RIMS1: variants seen among roughly 807,000 people sequenced by gnomAD.
RIMS1 encodes regulating synaptic membrane exocytosis protein 1.
A neutral mutation model predicts 214.1 loss-of-function variants in RIMS1; 83 were observed. That is an observed-to-expected ratio of 0.39 (90% CI 0.32 to 0.47). RIMS1 has a LOEUF of 0.47. Ranked by LOEUF, RIMS1 falls within the 20% of genes least tolerant of loss-of-function variation. RIMS1 has a pLI of 0.99. For synonymous variants in RIMS1, 793 were observed against 786.8 expected, an observed-to-expected ratio of 1.01 and a Z score of -0.13; for missense variants, 2,050 against 2,161.8, an observed-to-expected ratio of 0.95 and a Z score of 1.03.
chr6:72,374,194 T>C (rs1361793193), intron 29 of RIMS1, among the ~76,000 whole-genome samples: 1 of 152,230 alleles, frequency 6.6e-6, no homozygotes, highest in Non-Finnish European at 1.5e-5. Context: ...ATTACAGGCG[T>C]GAGCCACTGC....
chr6:72,153,750 T>C (rs1473859759), intron 4 of RIMS1, among the ~76,000 whole-genome samples: 2 of 152,172 alleles, frequency 1.3e-5, no homozygotes, highest in African/African-American at 2.4e-5. Context: ...ACTAATTTGA[T>C]TGGGTCTGCC....
chr6:71,985,387 C>T (rs1395182451), intron 2 of RIMS1, among the ~76,000 whole-genome samples: 1 of 151,762 alleles, frequency 6.6e-6, no homozygotes, highest in East Asian at 1.9e-4. Flanking sequence ...GACACCCTGT[C>T]TAAAATAAAA....
intron 29 of RIMS1, among the ~76,000 whole-genome samples, chr6:72,355,144 TTAA>T (rs1463292636): frequency 3.3e-5 from 5 of 152,168 alleles, no homozygotes; most frequent in African/African-American, 9.7e-5. Flanking sequence ...GTTGTGTCAC[TTAA>T]TAATTTTTGA....
chr6:72,314,185 T>A (rs2095647884), intron 28 of RIMS1, among the ~76,000 whole-genome samples: 1 of 152,212 alleles, frequency 6.6e-6, no homozygotes, highest in African/African-American at 2.4e-5. Flanking sequence ...TTTGTATTCT[T>A]AAAAGACAAA....
intron 6 of RIMS1, among the ~76,000 whole-genome samples, chr6:72,208,490 G>A (rs1703660982): frequency 6.6e-6 from 1 of 152,182 alleles, no homozygotes; most frequent in Admixed American, 6.5e-5. Context: ...TGTTGGCTTT[G>A]TAAATTGGAA....
intron 19 of RIMS1, chr6:72,262,089 A>T: frequency 1.0e-6 from 1 of 984,950 alleles, no homozygotes; most frequent in Non-Finnish European, 1.2e-6. Flanking sequence ...AAATCCTTAT[A>T]TTTTAAGCTA....
intron 4 of RIMS1, among the ~76,000 whole-genome samples, chr6:72,100,820 T>A (rs2033376189): frequency 6.6e-6 from 1 of 152,002 alleles, no homozygotes; most frequent in Non-Finnish European, 1.5e-5. Context: ...GCTTATATGA[T>A]ACACTGCAGT....
At chr6:71,979,090 T>C (rs1797846626) in intron 2 of RIMS1, among the ~76,000 whole-genome samples, 1 of 152,112 alleles carries the variant, frequency 6.6e-6, no homozygotes, top group South Asian at 2.1e-4. Context: ...ATTTTAATGA[T>C]AATATTGTGT....
chr6:72,084,206 T>C (rs1369004911), intron 2 of RIMS1, among the ~76,000 whole-genome samples: 3 of 152,214 alleles, frequency 2.0e-5, no homozygotes, highest in African/African-American at 7.2e-5. Context: ...TGGAAAAGTT[T>C]GCATGGAGTA....
chr6:71,933,041 A>T (rs748932396), intron 1 of RIMS1, among the ~76,000 whole-genome samples: 2 of 152,176 alleles, frequency 1.3e-5, no homozygotes, highest in African/African-American at 2.4e-5. Flanking sequence ...AGGAATTTGC[A>T]TTCTAGTGAT....
chr6:71,987,750 G>A (rs1205449530), intron 2 of RIMS1, among the ~76,000 whole-genome samples: 1 of 152,212 alleles, frequency 6.6e-6, no homozygotes, highest in Non-Finnish European at 1.5e-5. Context: ...GGACTTATTA[G>A]TCAAGGGTTT....
At chr6:72,228,013 A>G (rs2060761071) in intron 6 of RIMS1, among the ~76,000 whole-genome samples, 1 of 151,898 alleles carries the variant, frequency 6.6e-6, no homozygotes. Flanking sequence ...GACATAGAAA[A>G]AACTGTGCAT....
chr6:72,276,934 T>A (rs918763828), intron 23 of RIMS1, among the ~76,000 whole-genome samples: 1 of 152,198 alleles, frequency 6.6e-6, no homozygotes, highest in African/African-American at 2.4e-5. Flanking sequence ...CATAAGAATT[T>A]CAGCGTTAGG....
chr6:72,150,828 G>C (rs2043453359), intron 4 of RIMS1, among the ~76,000 whole-genome samples: 1 of 152,076 alleles, frequency 6.6e-6, no homozygotes, highest in South Asian at 2.1e-4. Flanking sequence ...GAGGACATCT[G>C]CTCTAAGGTG....
chr6:71,974,489 T>C (rs1322892791), intron 2 of RIMS1, among the ~76,000 whole-genome samples: 1 of 152,196 alleles, frequency 6.6e-6, no homozygotes, highest in Non-Finnish European at 1.5e-5. Flanking sequence ...TTTGTGTGTT[T>C]TTCAGAGTTA....
intron 2 of RIMS1, among the ~76,000 whole-genome samples, chr6:72,009,293 C>T (rs968024510): frequency 1.3e-5 from 2 of 152,152 alleles, no homozygotes; most frequent in Non-Finnish European, 2.9e-5. Flanking sequence ...AAAGACACAA[C>T]ATACCAGAAT....
intron 27 of RIMS1, among the ~76,000 whole-genome samples, chr6:72,308,825 T>G (rs1182398355): frequency 6.6e-6 from 1 of 152,160 alleles, no homozygotes; most frequent in Non-Finnish European, 1.5e-5. Context: ...CATACAGGTT[T>G]ATCTTGTCTG....
chr6:71,963,152 G>A (rs1793447600), intron 1 of RIMS1, among the ~76,000 whole-genome samples: 1 of 152,126 alleles, frequency 6.6e-6, no homozygotes. Context: ...CTTCACAGTT[G>A]ATGTTTATCA....
In RIMS1 at chr6:72,049,993, C is replaced by G. The variant is rs142802564; in HGVS notation, c.246-46956C>G. On this transcript the variant is annotated intron_variant, in intron 2 of 33. Coordinates refer to ENST00000521978, the MANE Select transcript of RIMS1 (RefSeq NM_014989.7). Reference sequence around the variant, plus strand: ...TAAAGAGAATAGGATGACTCTGCTTCCCAGAACTTACAGAATTACTTAGGG... The same window carrying G: ...TAAAGAGAATAGGATGACTCTGCTTGCCAGAACTTACAGAATTACTTAGGG... Among the ~76,000 whole-genome samples the G allele has an allele frequency of 3.3e-4, 50 of 152,160 alleles. 2 individuals are homozygous for G. The East Asian group carries it at 8.7e-3, about 27-fold the overall frequency.
Sources: gnomAD v4.1 joint callset for allele counts (sites outside exome capture counted in the v4.1 genomes callset) on GRCh38, gnomAD v4.1.1 for gene constraint, MANE v1.5 for transcripts, NCBI Gene and HGNC (gene_info 2026-07-23, HGNC 2026-07-21) for gene names.